The following LUZP2 variants were observed in gnomAD, a reference collection of about 807,000 sequenced individuals.
LUZP2 encodes the protein leucine zipper protein 2.
In LUZP2, 52 loss-of-function variants were observed where a neutral mutation model predicts 51.6. The ratio of observed to expected loss-of-function variants is 1.01; its 90% CI spans 0.81 to 1.27. LUZP2 has a LOEUF of 1.27. LUZP2 is among the 50% of genes most tolerant of loss of function. The pLI is 0.00. For synonymous variants in LUZP2, 154 were observed against 137.3 expected, an observed-to-expected ratio of 1.12 and a Z score of -0.85; for missense variants, 436 against 395.4, an observed-to-expected ratio of 1.10 and a Z score of -0.87.
intron 10 of LUZP2, among the ~76,000 whole-genome samples, chr11:25,076,422 C>A (rs980882908): frequency 1.3e-5 from 2 of 151,972 alleles, no homozygotes; most frequent in Non-Finnish European, 2.9e-5. Context: ...CAAACGCACA[C>A]ACAAATGCAG....
At chr11:24,942,927 T>C (rs1386861720) in intron 7 of LUZP2, among the ~76,000 whole-genome samples, 1 of 152,196 alleles carries the variant, frequency 6.6e-6, no homozygotes, top group Non-Finnish European at 1.5e-5. Flanking sequence ...TTTCAGATTT[T>C]TCTTATTATT....
At chr11:24,962,084 C>G (rs974502572) in intron 7 of LUZP2, among the ~76,000 whole-genome samples, 8 of 152,050 alleles carry the variant, frequency 5.3e-5, no homozygotes, top group Non-Finnish European at 1.2e-4. Context: ...CCCCCACTCT[C>G]TTCTGGCTTG....
Position 24,752,776 on chromosome 11 carries a change from G to A in LUZP2, c.334-10470G>A, listed in dbSNP as rs552011342. ...AATTCCTATAATGGAAAGGAAAAAAGGCAAAAAATTCAAGATGGCCAAAGT... is the reference window on the plus strand; with the variant it reads ...AATTCCTATAATGGAAAGGAAAAAAAGCAAAAAATTCAAGATGGCCAAAGT... On this transcript the variant is annotated intron_variant, in intron 4 of 11. Coordinates refer to ENST00000336930, the MANE Select transcript of LUZP2 (RefSeq NM_001009909.4). 8.6e-5 allele frequency among the ~76,000 whole-genome samples: 13 copies of A among 151,852 alleles called. 1 individual carries two copies. The South Asian group carries it at 2.7e-3, about 32-fold the overall frequency.
chr11:24,931,803 C>T (rs1410266263), intron 7 of LUZP2, among the ~76,000 whole-genome samples: 10 of 152,146 alleles, frequency 6.6e-5, no homozygotes, highest in Admixed American at 6.5e-4. Flanking sequence ...GAGGGTGTTA[C>T]AGAACCTTGT....
At chr11:24,959,038 C>T (rs1205885753) in intron 7 of LUZP2, among the ~76,000 whole-genome samples, 1 of 152,136 alleles carries the variant, frequency 6.6e-6, no homozygotes, top group Non-Finnish European at 1.5e-5. Flanking sequence ...TTGTTTTTCT[C>T]AGGTTTGTCA....
Position 25,050,130 on chromosome 11 carries a change from T to C in LUZP2, c.858T>C (p.Asp286=), listed in dbSNP as rs1858447880. 1.3e-6 allele frequency: 2 copies of C among 1,581,634 alleles called. No individual in the cohort carries two copies. Among genetic ancestry groups the C allele is most frequent in the South Asian group, 1.2e-5 (1 of 86,676 alleles). The change falls in exon 10 of 12, where the codon GAT becomes GAC. Residue 286 remains aspartate (D), a splice_region_variant and synonymous_variant. Coordinates refer to ENST00000336930, the MANE Select transcript of LUZP2 (RefSeq NM_001009909.4). Reference sequence around the variant, plus strand: ...GTACCACTGCCTGTGACTCTCAAGATGTAAGAAAAACTTAAGATGCTTTTT... The same window carrying C: ...GTACCACTGCCTGTGACTCTCAAGACGTAAGAAAAACTTAAGATGCTTTTT... ...NPSTTACDSQ[D]EGRPCSMKHK...
intron 1 of LUZP2, among the ~76,000 whole-genome samples, chr11:24,659,625 G>A (rs1020036436): frequency 6.6e-6 from 1 of 151,384 alleles, no homozygotes; most frequent in African/African-American, 2.4e-5. Flanking sequence ...ACATAATTTT[G>A]GCAGCCCGTT....
At chr11:24,951,883 T>C (rs1455687536) in intron 7 of LUZP2, among the ~76,000 whole-genome samples, 1 of 151,752 alleles carries the variant, frequency 6.6e-6, no homozygotes, top group Non-Finnish European at 1.5e-5. Context: ...TAGTTCATTA[T>C]ATTCTCCAAT....
At chr11:25,069,658 C>A (rs1030152688) in intron 10 of LUZP2, among the ~76,000 whole-genome samples, 11 of 151,656 alleles carry the variant, frequency 7.3e-5, no homozygotes, top group Admixed American at 4.0e-4. Context: ...TAAAAAGTGA[C>A]AGGGTATACA....
intron 1 of LUZP2, among the ~76,000 whole-genome samples, chr11:24,709,204 A>G (rs1857727304): frequency 6.6e-6 from 1 of 152,164 alleles, no homozygotes; most frequent in Admixed American, 6.5e-5. Context: ...GAAATTATAT[A>G]TGCGGCATTT....
chr11:24,749,464 G>A (rs966943376), intron 4 of LUZP2, among the ~76,000 whole-genome samples: 2 of 152,132 alleles, frequency 1.3e-5, no homozygotes, highest in African/African-American at 4.8e-5. Context: ...GTGTGTCTGT[G>A]AGGGTGTTGA....
At chr11:24,711,222 G>T (rs972789085) in intron 1 of LUZP2, among the ~76,000 whole-genome samples, 3 of 152,084 alleles carry the variant, frequency 2.0e-5, no homozygotes, top group African/African-American at 7.2e-5. Context: ...GGCCAAGGCG[G>T]GCGGATCACG....
intron 7 of LUZP2, among the ~76,000 whole-genome samples, chr11:24,954,617 G>A (rs1855165382): frequency 6.6e-6 from 1 of 151,974 alleles, no homozygotes; most frequent in Non-Finnish European, 1.5e-5. Flanking sequence ...TGTCAAGTCA[G>A]CTTAGGAGCC....
intron 4 of LUZP2, among the ~76,000 whole-genome samples, chr11:24,758,400 G>A (rs1368133623): frequency 6.6e-6 from 1 of 151,598 alleles, no homozygotes; most frequent in African/African-American, 2.4e-5. Context: ...TGTGCATCTG[G>A]TTGATGGTGG....
At chr11:24,909,698 G>A (rs1043258208) in intron 6 of LUZP2, among the ~76,000 whole-genome samples, 2 of 152,086 alleles carry the variant, frequency 1.3e-5, no homozygotes, top group African/African-American at 4.8e-5. Context: ...AATTATCTTA[G>A]AGGGCCTCCC....
At chr11:24,651,308 A>G (rs1169595039) in intron 1 of LUZP2, among the ~76,000 whole-genome samples, 1 of 152,112 alleles carries the variant, frequency 6.6e-6, no homozygotes, top group East Asian at 1.9e-4. Flanking sequence ...TAGCTAATTG[A>G]CAGTAGGAAT....
At position 24,627,631 on chromosome 11, in the gene LUZP2, G is replaced by C. The variant is rs191563439; in HGVS notation, c.63-101538G>C. Among the ~76,000 whole-genome samples the C allele has an allele frequency of 3.9e-5, 6 of 152,302 alleles. No individual in the cohort carries two copies. In the East Asian group the frequency reaches 1.2e-3, roughly 29 times the overall value. ...TTCGCTTGCAGTATGTGAATAACCAGTGTTCTGTTTGCAAAACCCACCTCT... is the reference window on the plus strand; with the variant it reads ...TTCGCTTGCAGTATGTGAATAACCACTGTTCTGTTTGCAAAACCCACCTCT... On this transcript the variant is annotated intron_variant, in intron 1 of 11. Transcript: ENST00000336930.
At chr11:24,937,966 T>C (rs1565134435) in intron 7 of LUZP2, among the ~76,000 whole-genome samples, 2 of 152,040 alleles carry the variant, frequency 1.3e-5, no homozygotes, top group Non-Finnish European at 2.9e-5. Context: ...GACCTCATAC[T>C]TTCCATCGTC....
chr11:24,873,953 A>G (rs879716205), intron 5 of LUZP2, among the ~76,000 whole-genome samples: 3 of 149,546 alleles, frequency 2.0e-5, no homozygotes, highest in Non-Finnish European at 3.0e-5. Context: ...CTTGAGCTCT[A>G]ACACCTGACA....
Sources: gnomAD v4.1 joint callset for allele counts (sites outside exome capture counted in the v4.1 genomes callset) on GRCh38, gnomAD v4.1.1 for gene constraint, MANE v1.5 for transcripts, NCBI Gene and HGNC (gene_info 2026-07-23, HGNC 2026-07-21) for gene names.